NUP214: variants seen among roughly 807,000 people sequenced by gnomAD.
NUP214 encodes nucleoporin 214.
Under a neutral mutation model 196.2 loss-of-function variants are expected in NUP214, and 79 were observed. The observed-to-expected ratio is 0.40, with a 90% CI of 0.34 to 0.49. The LOEUF (loss-of-function observed/expected upper bound fraction) is 0.49. NUP214 is among the 20% of genes least tolerant of loss of function. The pLI, the probability that NUP214 is intolerant of heterozygous loss-of-function variation, is 0.58. For missense variants in NUP214, 2,468 were observed against 2,539.0 expected (o/e 0.97, Z 0.60); for synonymous variants, 1,020 against 990.5 (o/e 1.03, Z -0.56).
In NUP214 at chr9:131,140,569, C is replaced by T. The variant is rs779749693; in HGVS notation, c.1153C>T (p.Pro385Ser). The T allele has an allele frequency of 2.5e-6, 4 of 1,611,432 alleles. No homozygotes were observed. The highest frequency in any genetic ancestry group is 2.2e-5 in the South Asian group (2 of 90,364). Residue 385 changes from proline to serine, a missense_variant, in exon 11 of 36, where the codon CCT becomes TCT. Pro to Ser is a moderately conservative substitution (Grantham distance 74). Around this residue, in one of 5 missense-constraint regions of NUP214, gnomAD observed 1,801 missense variants for 1,779.4 expected, o/e 1.01. Transcript: ENST00000359428. ...AACAGGTGATGAAAAGACTCTTCCT[C>T]CTGCTCCAGTTCTCATGTTACTTTC... ...ITISDEKTLP[P>S]APVLMLLSTD...
intron 30 of NUP214, among the ~76,000 whole-genome samples, chr9:131,212,204 C>T (rs1035786372): frequency 9.9e-5 from 15 of 152,120 alleles, no homozygotes; most frequent in African/African-American, 9.7e-5. Flanking sequence ...TTAGTCAGAC[C>T]GATTGTCTGC....
intron 31 of NUP214, among the ~76,000 whole-genome samples, chr9:131,216,222 T>G (rs1464663683): frequency 6.7e-6 from 1 of 149,842 alleles, no homozygotes; most frequent in Admixed American, 6.6e-5. Context: ...TCTTTTTTTT[T>G]TTTTTTTCTT....
Position 131,232,391 on chromosome 9 carries a change from C to G in NUP214, c.6239+83C>G. 1 of 1,409,096 alleles carries G rather than the reference C, an allele frequency of 7.1e-7. No individual in the cohort carries two copies. The highest frequency in any genetic ancestry group is 1.0e-6 in the Non-Finnish European group (1 of 995,468). 87.3% of individuals were successfully genotyped at this position (1,409,096 alleles called of 1,614,324 possible). ...GTGTGTGGATCTTGCTGGATTTGTG[C>G]ATTTTCTTTTCGTTTTTTCCTGTTT... is the stretch of plus-strand genomic sequence containing the variant. On this transcript the variant is annotated intron_variant, in intron 35 of 35. Coordinates refer to ENST00000359428, the MANE Select transcript of NUP214 (RefSeq NM_005085.4). The surrounding 1 kb of genome is among the most constrained non-coding windows in gnomAD (Gnocchi z 5.1).
intron 27 of NUP214, among the ~76,000 whole-genome samples, chr9:131,193,246 G>T (rs1033323216): frequency 7.0e-6 from 1 of 142,162 alleles, no homozygotes; most frequent in Non-Finnish European, 1.5e-5. Context: ...GAAGCATTGG[G>T]TTAGACTCTG....
chr9:131,215,078 A>G, intron 30 of NUP214, 134 bp from the exon 31 acceptor site: 1 of 686,732 alleles, frequency 1.5e-6, no homozygotes, highest in East Asian at 3.1e-5. Context: ...TGTGGTGGTT[A>G]GAGCATTTGT....
chr9:131,126,297 C>G (rs1269563277), intron 1 of NUP214: 2 of 153,760 alleles, frequency 1.3e-5, no homozygotes, highest in Non-Finnish European at 2.9e-5. Flanking sequence ...GTATATCAGC[C>G]TAAAGTCAGG....
chr9:131,178,594 C>T (rs1833180472), intron 24 of NUP214, among the ~76,000 whole-genome samples, 184 bp downstream of exon 24: 1 of 152,120 alleles, frequency 6.6e-6, no homozygotes, highest in Admixed American at 6.5e-5. Flanking sequence ...TTTTAACTGG[C>T]CGGTGACAGT....
At chr9:131,199,539 G>T (rs1194797040) in intron 29 of NUP214, among the ~76,000 whole-genome samples, 1 of 152,052 alleles carries the variant, frequency 6.6e-6, no homozygotes, top group African/African-American at 2.4e-5. Flanking sequence ...ATTTGATTTG[G>T]GTTCTTTTCT....
At chr9:131,127,773 C>G in intron 2 of NUP214, 54 bp downstream of exon 2, 1 of 1,291,122 alleles carries the variant, frequency 7.7e-7, no homozygotes, top group Middle Eastern at 2.0e-4. Context: ...GTGGCATGCT[C>G]TTGTGTTTCC....
Position 131,144,309 on chromosome 9 carries a change from C to G in NUP214, c.1324C>G (p.Gln442Glu), listed in dbSNP as rs149858082. The G allele has an allele frequency of 4.6e-5, 75 of 1,613,934 alleles. No homozygotes were observed. The highest frequency in any genetic ancestry group is 5.8e-5 in the Non-Finnish European group (69 of 1,180,024). The change falls in exon 12 of 36, where the codon CAA becomes GAA. Residue 442 changes from glutamine to glutamate, a missense_variant. Transcript: ENST00000359428. ...TACTCCCACTACCCCAACCTCCTCT[C>G]AAGCCCCACAGAAACTGGATGCTTC... The part of the protein sequence containing the change: ...GSTPTTPTSS[Q>E]APQKLDASAA...
At chr9:131,175,698 A>G (rs1442725031) in intron 23 of NUP214, 77 bp downstream of exon 23, 10 of 1,521,526 alleles carry the variant, frequency 6.6e-6, no homozygotes, top group Non-Finnish European at 7.9e-6. Context: ...AGCAGGTGGC[A>G]AGAAACAGTG....
intron 24 of NUP214, among the ~76,000 whole-genome samples, chr9:131,180,515 A>G (rs905500609): frequency 6.6e-6 from 1 of 151,988 alleles, no homozygotes; most frequent in South Asian, 2.1e-4. Context: ...TTAATTTTGC[A>G]GTTAGCTTTT....
intron 24 of NUP214, among the ~76,000 whole-genome samples, chr9:131,186,428 A>G (rs1448945789): frequency 6.6e-6 from 1 of 152,374 alleles, no homozygotes; most frequent in Non-Finnish European, 1.5e-5. Flanking sequence ...GCACAGGCCT[A>G]TCTTTTATCT....
chr9:131,131,682 AT>A, intron 5 of NUP214, among the ~76,000 whole-genome samples: 1 of 151,842 alleles, frequency 6.6e-6, no homozygotes, highest in Non-Finnish European at 1.5e-5. Context: ...TTTTTTATTT[AT>A]TTATTATTAT....
chr9:131,217,452 A>G lies in NUP214; in HGVS notation c.5749+2084A>G, dbSNP rs528710941. On this transcript the variant is annotated intron_variant, in intron 31 of 35. Coordinates refer to ENST00000359428, the MANE Select transcript of NUP214 (RefSeq NM_005085.4). ...AACAAAAGTAGGTTCATGCTGAAGC[A>G]GGGGTCAGGAACTCCAAAACACACA... 4.8e-4 allele frequency among the ~76,000 whole-genome samples: 73 copies of G among 152,360 alleles called. 1 individual carries two copies. The highest frequency in any genetic ancestry group is 1.3e-3 in the African/African-American group (56 of 41,586).
rs566919921 is a variant in NUP214 at position 131,129,722 on chromosome 9, G to A, written c.592+245G>A. Among the ~76,000 whole-genome samples the A allele has an allele frequency of 3.9e-5, 6 of 152,112 alleles. No homozygotes were observed. The East Asian group carries it at 9.7e-4, about 24-fold the overall frequency. On this transcript the variant is annotated intron_variant, in intron 4 of 35. Transcript: ENST00000359428. ...GGGTTCAAGCAATTCTCGTGCCTCG[G>A]CCACCCAAATAGCTGGGATTATAGA...
At chr9:131,203,909 TAAGATATGCACA>T (rs1041143581) in intron 30 of NUP214, among the ~76,000 whole-genome samples, 6 of 152,090 alleles carry the variant, frequency 3.9e-5, no homozygotes, top group Non-Finnish European at 7.4e-5. Context: ...AATCACCAAC[TAAGATATGCACA>T]AAGTGGGGAG....
chr9:131,204,210 C>T (rs1217907576), intron 30 of NUP214, among the ~76,000 whole-genome samples: 1 of 152,186 alleles, frequency 6.6e-6, no homozygotes, highest in African/African-American at 2.4e-5. Flanking sequence ...TCAGCTGGGG[C>T]TTACAGAGTT....
intron 1 of NUP214, among the ~76,000 whole-genome samples, chr9:131,126,793 GCCCTCCTCTGGCT>G (rs2133436888): frequency 6.6e-6 from 1 of 152,094 alleles, no homozygotes; most frequent in East Asian, 1.9e-4. Context: ...AACGTGATCC[GCCCTCCTCTGGCT>G]CCCAAAGTGC....
Sources: gnomAD v4.1 joint callset for allele counts (sites outside exome capture counted in the v4.1 genomes callset) on GRCh38, gnomAD v4.1.1 for gene constraint, gnomAD v4.1.1 regional missense constraint, Gnocchi (gnomAD v3.1) non-coding constraint, MANE v1.5 for transcripts, NCBI Gene and HGNC (gene_info 2026-07-23, HGNC 2026-07-21) for gene names.